GSG1L: variants seen among roughly 807,000 people sequenced by gnomAD.
GSG1L encodes the protein GSG1 like, also known as germ cell-specific gene 1-like protein.
In GSG1L, 24 loss-of-function variants were observed where a neutral mutation model predicts 42.1. The observed-to-expected ratio is 0.57, with a 90% confidence interval of 0.41 to 0.80. The LOEUF is 0.80. Ranked by LOEUF, GSG1L falls within the 30% of genes least tolerant of loss-of-function variation. The pLI is 0.00. For missense variants in GSG1L, 445 were observed against 472.2 expected, an observed-to-expected ratio of 0.94 and a Z score of 0.53; for synonymous variants, 215 against 203.5, an observed-to-expected ratio of 1.06 and a Z score of -0.48.
chr16:27,836,029 TG>T (rs1455919412), intron 4 of GSG1L, among the ~76,000 whole-genome samples: 1 of 152,196 alleles, frequency 6.6e-6, no homozygotes, highest in Non-Finnish European at 1.5e-5. Context: ...GTAGGTCTGC[TG>T]GCAACAAATG....
At chr16:27,810,612 C>T (rs891581203) in intron 5 of GSG1L, among the ~76,000 whole-genome samples, 4 of 152,124 alleles carry the variant, frequency 2.6e-5, no homozygotes, top group African/African-American at 9.7e-5. Flanking sequence ...CCCTAGGCAC[C>T]AAACCAAAAG....
chr16:27,833,842 A>C (rs1315860706), intron 4 of GSG1L, among the ~76,000 whole-genome samples: 2 of 152,180 alleles, frequency 1.3e-5, no homozygotes, highest in African/African-American at 4.8e-5. Context: ...TTTTTTTGGT[A>C]GATTCCTTGA....
intron 2 of GSG1L, among the ~76,000 whole-genome samples, chr16:27,916,917 T>C (rs1442888399): frequency 6.6e-6 from 1 of 151,954 alleles, no homozygotes; most frequent in African/African-American, 2.4e-5. Flanking sequence ...GCTATATCAG[T>C]TAAGAGTGTC....
chr16:27,808,018 C>T (rs1403559822), intron 5 of GSG1L, among the ~76,000 whole-genome samples: 2 of 152,148 alleles, frequency 1.3e-5, no homozygotes, highest in East Asian at 3.8e-4. Context: ...ACTCCGGAGG[C>T]TTCTTTTTGC....
intron 1 of GSG1L, among the ~76,000 whole-genome samples, chr16:28,053,136 G>A (rs1413841806): frequency 6.6e-6 from 1 of 152,214 alleles, no homozygotes; most frequent in Non-Finnish European, 1.5e-5. Flanking sequence ...GAGAGGCCCA[G>A]AGAGAAGGGG....
rs550463484 is a variant in GSG1L at position 27,894,765 on chromosome 16, C to A, written c.398-10127G>T. On this transcript the variant is annotated intron_variant, in intron 2 of 6. Coordinates refer to ENST00000447459, the MANE Select transcript of GSG1L (RefSeq NM_001109763.2). ...CACTGAGCCCCCAGCCCTTGTTCTACAGATGAGAAATCTCAATGCAAAAAG... is the reference window on the plus strand; with the variant it reads ...CACTGAGCCCCCAGCCCTTGTTCTAAAGATGAGAAATCTCAATGCAAAAAG... 2.0e-5 allele frequency among the ~76,000 whole-genome samples: 3 copies of A among 152,338 alleles called. No individual in the cohort carries two copies. The East Asian group carries it at 5.8e-4, about 29-fold the overall frequency.
chr16:27,893,798 G>C (rs1273532240), intron 2 of GSG1L, among the ~76,000 whole-genome samples: 2 of 151,986 alleles, frequency 1.3e-5, no homozygotes, highest in Non-Finnish European at 1.5e-5. Flanking sequence ...TGTCTCCCAG[G>C]CTAGAGTGAA....
intron 4 of GSG1L, among the ~76,000 whole-genome samples, chr16:27,840,390 G>A (rs1645348): frequency 0.34 from 51,050 of 151,660 alleles, 8,878 homozygotes; most frequent in East Asian, 0.45. Context: ...CACTTTGCTC[G>A]GCCCCAACCT....
At chr16:27,856,561 C>T (rs939798722) in intron 3 of GSG1L, among the ~76,000 whole-genome samples, 10 of 152,270 alleles carry the variant, frequency 6.6e-5, no homozygotes, top group African/African-American at 1.9e-4. Context: ...GTGATCCCAC[C>T]TCAGCCTCTC....
intron 3 of GSG1L, among the ~76,000 whole-genome samples, chr16:27,874,596 T>G (rs1426504344): frequency 6.6e-6 from 1 of 151,896 alleles, no homozygotes; most frequent in African/African-American, 2.4e-5. Context: ...GATATAGGTG[T>G]GTGCCACCAT....
intron 2 of GSG1L, among the ~76,000 whole-genome samples, chr16:27,889,684 C>A (rs1205620180): frequency 1.3e-5 from 2 of 152,192 alleles, no homozygotes; most frequent in African/African-American, 2.4e-5. Context: ...GTGACCCACA[C>A]TACAAAGCCC....
At chr16:27,879,489 C>T (rs1279489677) in intron 3 of GSG1L, among the ~76,000 whole-genome samples, 1 of 152,132 alleles carries the variant, frequency 6.6e-6, no homozygotes, top group Non-Finnish European at 1.5e-5. Flanking sequence ...ATGTCACACA[C>T]CTGTAGTCCC....
intron 6 of GSG1L, among the ~76,000 whole-genome samples, chr16:27,798,233 G>C (rs1285787566): frequency 6.6e-6 from 1 of 152,064 alleles, no homozygotes; most frequent in Non-Finnish European, 1.5e-5. Context: ...TAAAAATTTG[G>C]CTCACAGACA....
chr16:27,922,258 T>C (rs1441478666), intron 2 of GSG1L, among the ~76,000 whole-genome samples: 2 of 152,158 alleles, frequency 1.3e-5, no homozygotes, highest in Admixed American at 6.5e-5. Flanking sequence ...ATCATTCCCA[T>C]GTTTCCAGGT....
Position 27,895,656 on chromosome 16 carries a change from T to A in GSG1L, c.398-11018A>T, listed in dbSNP as rs758359707. Among the ~76,000 whole-genome samples, 2 of 152,240 alleles carry A rather than the reference T, an allele frequency of 1.3e-5. 1 individual carries two copies. Among genetic ancestry groups the A allele is most frequent in the Admixed American group, 1.3e-4 (2 of 15,288 alleles). On this transcript the variant is annotated intron_variant, in intron 2 of 6. Transcript: ENST00000447459. ...AAGCCAAGGGCATGGATCTGACAGC[T>A]GTTCCCGAAAGTTCTCTTGTCCAGC...
chr16:27,916,015 A>G (rs1311775425), intron 2 of GSG1L, among the ~76,000 whole-genome samples: 1 of 152,150 alleles, frequency 6.6e-6, no homozygotes, highest in East Asian at 1.9e-4. Flanking sequence ...ACGGGCCACT[A>G]AAGGAGCACA....
intron 1 of GSG1L, among the ~76,000 whole-genome samples, chr16:27,996,960 C>T (rs2085520282): frequency 6.6e-6 from 1 of 152,122 alleles, no homozygotes; most frequent in Non-Finnish European, 1.5e-5. Flanking sequence ...CAGGGTTTCG[C>T]CATGTTGGCC....
chr16:27,791,299 CT>C lies in GSG1L; in HGVS notation c.*70del. ...ACAGGCCAGGGTTCTGGGGGCACCA[CT>C]CTGGTGGTCTTGCAGCAGGGGCTGG... On this transcript the variant is annotated 3_prime_UTR_variant, in exon 7 of 7. Transcript: ENST00000447459. The C allele has an allele frequency of 9.6e-7, 1 of 1,043,078 alleles. No individual in the cohort carries two copies. The highest frequency in any genetic ancestry group is 1.3e-6 in the Non-Finnish European group (1 of 759,006). 64.6% of individuals were successfully genotyped at this position (1,043,078 alleles called of 1,614,324 possible).
chr16:27,861,786 C>A (rs2083655522), intron 3 of GSG1L, among the ~76,000 whole-genome samples: 1 of 152,190 alleles, frequency 6.6e-6, no homozygotes, highest in South Asian at 2.1e-4. Context: ...TTCCCCCAGA[C>A]ACCCACGTCT....
Sources: gnomAD v4.1 joint callset for allele counts (sites outside exome capture counted in the v4.1 genomes callset) on GRCh38, gnomAD v4.1.1 for gene constraint, MANE v1.5 for transcripts, NCBI Gene and HGNC (gene_info 2026-07-23, HGNC 2026-07-21) for gene names.